Variants in SH3D19 observed in about 807,000 individuals in gnomAD.
The protein encoded by SH3D19 is SH3 domain containing 19, also known as SH3 domain-containing protein 19.
SH3D19 carries 58 observed loss-of-function variants against 112.1 expected under a neutral mutation model. That is an observed-to-expected ratio of 0.52 (90% CI 0.42 to 0.64). The LOEUF (loss-of-function observed/expected upper bound fraction) is 0.64, where lower values mean the gene tolerates loss of function less well. SH3D19 is among the 30% of genes least tolerant of loss of function. The pLI, the probability that SH3D19 is intolerant of heterozygous loss-of-function variation, is 0.00. For synonymous variants in SH3D19, 391 were observed against 448.5 expected, an observed-to-expected ratio of 0.87 and a Z score of 1.62; for missense variants, 1,090 against 1,263.4, an observed-to-expected ratio of 0.86 and a Z score of 2.08.
intron 1 of SH3D19, among the ~76,000 whole-genome samples, chr4:151,273,081 C>A (rs145977612): frequency 6.6e-6 from 1 of 152,278 alleles, no homozygotes; most frequent in African/African-American, 2.4e-5. Flanking sequence ...CTATTTAATT[C>A]TTTCCTTTTA....
intron 2 of SH3D19, among the ~76,000 whole-genome samples, chr4:151,190,563 T>C (rs1580059593): frequency 6.6e-6 from 1 of 152,188 alleles, no homozygotes; most frequent in African/African-American, 2.4e-5. Flanking sequence ...GGGGACAACG[T>C]AGAGCTTGGG....
intron 2 of SH3D19, among the ~76,000 whole-genome samples, chr4:151,201,166 T>G (rs1005500113): frequency 6.6e-6 from 1 of 152,168 alleles, no homozygotes; most frequent in African/African-American, 2.4e-5. Flanking sequence ...CTCTAAATAA[T>G]GAAGATTATA....
rs1225608302 is a variant in SH3D19, at chr4:151,322,837, T to C, written c.112+2404A>G. 3.3e-5 allele frequency among the ~76,000 whole-genome samples: 5 copies of C among 152,156 alleles called. No homozygotes were observed. The East Asian group carries it at 9.6e-4, about 29-fold the overall frequency. On this transcript the variant is annotated intron_variant, in intron 1 of 19. Coordinates refer to ENST00000604030, the MANE Select transcript of SH3D19 (RefSeq NM_001378122.1). ...CATTACTTGCTTTCTGCTGGGTTGATAAAATACAGGACAATTCCACTTAAA... is the reference window on the plus strand; with the variant it reads ...CATTACTTGCTTTCTGCTGGGTTGACAAAATACAGGACAATTCCACTTAAA...
At chr4:151,244,267 T>A (rs543848115) in intron 1 of SH3D19, among the ~76,000 whole-genome samples, 2 of 152,102 alleles carry the variant, frequency 1.3e-5, no homozygotes, top group Non-Finnish European at 2.9e-5. Context: ...GGGTTTTTGG[T>A]TTTGTTTTGT....
At chr4:151,163,515 C>A (rs533188778) in intron 8 of SH3D19, among the ~76,000 whole-genome samples, 8 of 151,810 alleles carry the variant, frequency 5.3e-5, no homozygotes, top group African/African-American at 1.9e-4. Flanking sequence ...AATGAGCTAT[C>A]GTTTTACTGA....
intron 2 of SH3D19, among the ~76,000 whole-genome samples, chr4:151,214,471 A>C (rs1176340475): frequency 5.9e-5 from 5 of 84,446 alleles, no homozygotes; most frequent in Admixed American, 1.2e-4. Flanking sequence ...CTGACCCCCC[A>C]CCTCCCTCCC....
chr4:151,234,840 TG>T (rs1769911778), intron 1 of SH3D19, among the ~76,000 whole-genome samples: 3 of 145,616 alleles, frequency 2.1e-5, no homozygotes, highest in African/African-American at 7.6e-5. Flanking sequence ...CTCGACCTCC[TG>T]GGCTCAGGAG....
chr4:151,169,606 C>G (rs1579933259), intron 7 of SH3D19, among the ~76,000 whole-genome samples: 1 of 152,240 alleles, frequency 6.6e-6, no homozygotes, highest in Middle Eastern at 3.4e-3. Flanking sequence ...CCTAAGAGGG[C>G]TATTTTTTCC....
intron 1 of SH3D19, among the ~76,000 whole-genome samples, chr4:151,232,478 A>T (rs1769689438): frequency 6.6e-6 from 1 of 152,202 alleles, no homozygotes; most frequent in South Asian, 2.1e-4. Context: ...CACAAATGTC[A>T]GCTGCCGTCA....
intron 1 of SH3D19, among the ~76,000 whole-genome samples, chr4:151,238,307 C>T (rs1246288590): frequency 6.6e-6 from 1 of 152,030 alleles, no homozygotes; most frequent in Non-Finnish European, 1.5e-5. Flanking sequence ...TGGAATCTCC[C>T]ATATTTCAGG....
At chr4:151,154,595 G>A (rs1755732464) in intron 9 of SH3D19, among the ~76,000 whole-genome samples, 1 of 147,784 alleles carries the variant, frequency 6.8e-6, no homozygotes, top group South Asian at 2.3e-4. Flanking sequence ...CTTTTTTTTT[G>A]AGACAGAGGC....
chr4:151,219,970 C>T (rs1767763213), intron 2 of SH3D19, among the ~76,000 whole-genome samples: 1 of 152,030 alleles, frequency 6.6e-6, no homozygotes, highest in African/African-American at 2.4e-5. Context: ...AATCAAATTC[C>T]GTGTAGATTA....
At chr4:151,165,505 T>C in intron 8 of SH3D19, 84 bp downstream of exon 8, 8 of 1,105,532 alleles carry the variant, frequency 7.2e-6, no homozygotes, top group Middle Eastern at 2.0e-4. Flanking sequence ...TTATACATAA[T>C]TTCAAAAGCA....
intron 1 of SH3D19, chr4:151,262,579 G>A (rs1772458964): frequency 6.6e-6 from 1 of 152,284 alleles, no homozygotes; most frequent in Non-Finnish European, 1.5e-5. Flanking sequence ...GGTGAACCCA[G>A]GAGTGTCTGG....
intron 2 of SH3D19, among the ~76,000 whole-genome samples, chr4:151,188,914 A>G (rs1435955825): frequency 6.6e-6 from 1 of 152,164 alleles, no homozygotes; most frequent in Non-Finnish European, 1.5e-5. Context: ...CCAATCCAAC[A>G]TAACTGGTTT....
chr4:151,171,875 C>T (rs565681483), intron 7 of SH3D19, among the ~76,000 whole-genome samples: 2 of 152,206 alleles, frequency 1.3e-5, no homozygotes, highest in East Asian at 1.9e-4. Context: ...TACTTCTGGG[C>T]TCCATTACAT....
At chr4:151,141,995 C>A (rs1323211273) in intron 12 of SH3D19, among the ~76,000 whole-genome samples, 1 of 152,214 alleles carries the variant, frequency 6.6e-6, no homozygotes, top group African/African-American at 2.4e-5. Context: ...GCAAGAGGAA[C>A]AGGCTAGACA....
Position 151,312,727 on chromosome 4 carries a change from C to T in SH3D19, c.112+12514G>A, listed in dbSNP as rs1237012734. 3.9e-5 allele frequency among the ~76,000 whole-genome samples: 6 copies of T among 151,952 alleles called. 1 individual carries two copies. The South Asian group carries it at 1.0e-3, about 26-fold the overall frequency. On this transcript the variant is annotated intron_variant, in intron 1 of 19. Transcript: ENST00000604030. Reference sequence around the variant, plus strand: ...CAGCCTGGCCAACATGGAAGAACCCCGTCTCTACTAAAAATACAAAAATAT... The same window carrying T: ...CAGCCTGGCCAACATGGAAGAACCCTGTCTCTACTAAAAATACAAAAATAT...
chr4:151,324,378 C>T (rs1288578400), intron 1 of SH3D19, among the ~76,000 whole-genome samples: 1 of 152,198 alleles, frequency 6.6e-6, no homozygotes, highest in African/African-American at 2.4e-5. Context: ...GAATCGTTCT[C>T]CTCCGACTCT....
Sources: allele counts gnomAD v4.1 joint callset (sites outside exome capture counted in the v4.1 genomes callset), GRCh38; gene constraint gnomAD v4.1.1; transcripts MANE v1.5; gene names NCBI Gene and HGNC (gene_info 2026-07-23, HGNC 2026-07-21).